The following TSGA10 variants were observed in gnomAD, a reference collection of about 807,000 sequenced individuals.
The protein encoded by TSGA10 is testis-specific gene 10 protein.
In TSGA10, 43 loss-of-function variants were observed where a neutral mutation model predicts 96.6. That is an observed-to-expected ratio of 0.44 (90% CI 0.35 to 0.57). The LOEUF (loss-of-function observed/expected upper bound fraction) is 0.57, where lower values mean the gene tolerates loss of function less well. TSGA10 is among the 20% of genes least tolerant of loss of function. TSGA10 has a pLI of 0.01. For synonymous variants in TSGA10, 229 were observed against 269.9 expected (o/e 0.85, Z 1.48); for missense variants, 703 against 834.4 (o/e 0.84, Z 1.94).
At chr2:99,070,358 A>G (rs1167571739) in intron 14 of TSGA10, among the ~76,000 whole-genome samples, 1 of 152,126 alleles carries the variant, frequency 6.6e-6, no homozygotes, top group African/African-American at 2.4e-5. Context: ...GATTCAACCC[A>G]TGTGAATCTT....
At chr2:99,009,057 A>T (rs1019477982) in intron 20 of TSGA10, among the ~76,000 whole-genome samples, 1 of 152,172 alleles carries the variant, frequency 6.6e-6, no homozygotes, top group African/African-American at 2.4e-5. Context: ...TTCTCTTAGT[A>T]TTATTTTTTG....
At chr2:99,038,840 C>G (rs2081916733) in intron 16 of TSGA10, among the ~76,000 whole-genome samples, 5 of 152,120 alleles carry the variant, frequency 3.3e-5, no homozygotes, top group Non-Finnish European at 7.4e-5. Context: ...GACATACATT[C>G]TATTCATCAG....
intron 1 of TSGA10, among the ~76,000 whole-genome samples, chr2:99,145,977 T>A (rs537728195): frequency 2.5e-4 from 38 of 151,938 alleles, no homozygotes; most frequent in African/African-American, 8.4e-4. Flanking sequence ...ACAAAAAAAA[T>A]GAATTTTAAA....
intron 1 of TSGA10, among the ~76,000 whole-genome samples, chr2:99,143,193 G>T (rs893212012): frequency 1.4e-5 from 2 of 139,026 alleles, no homozygotes; most frequent in Admixed American, 1.5e-4. Flanking sequence ...CCAGGCTGGA[G>T]TGCAGTGGCA....
At chr2:99,033,598 T>G (rs985268544) in intron 17 of TSGA10, among the ~76,000 whole-genome samples, 3 of 152,274 alleles carry the variant, frequency 2.0e-5, no homozygotes, top group East Asian at 1.9e-4. Context: ...ATCCCAGCAC[T>G]GGGAGGCTGA....
At position 99,118,670 on chromosome 2, in the gene TSGA10, C is replaced by T; in HGVS notation, c.-475G>A. 1 of 984,234 alleles carries T rather than the reference C, an allele frequency of 1.0e-6. No homozygotes were observed. The highest frequency in any genetic ancestry group is 1.2e-6 in the Non-Finnish European group (1 of 829,610). The allele number at this position is 984,234 out of a possible 1,614,324, so 61.0% of individuals were successfully genotyped here. On this transcript the variant is annotated 5_prime_UTR_variant, in exon 3 of 21. The change creates a new upstream start codon in the 5' untranslated region. Transcript: ENST00000393483. ...ATGAAGAAAAGGGCCTTTTCTATCA[C>T]AAAGGTATCCAAATGCCTTTAAAGG...
chr2:99,086,141 C>G (rs2088339975), intron 10 of TSGA10, among the ~76,000 whole-genome samples: 1 of 151,864 alleles, frequency 6.6e-6, no homozygotes, highest in Non-Finnish European at 1.5e-5. Context: ...ACCTACATAA[C>G]AAACCTATAC....
chr2:99,091,605 A>C (rs978452618), intron 10 of TSGA10, among the ~76,000 whole-genome samples: 1 of 152,188 alleles, frequency 6.6e-6, no homozygotes, highest in African/African-American at 2.4e-5. Context: ...AAAGGGGTGG[A>C]AAAAGACATT....
Position 99,072,814 on chromosome 2 carries a change from T to A in TSGA10, c.938+204A>T, listed in dbSNP as rs532023680. Among the ~76,000 whole-genome samples, 6 of 152,332 alleles carry A rather than the reference T, an allele frequency of 3.9e-5. No individual in the cohort carries two copies. The South Asian group carries it at 1.0e-3, about 26-fold the overall frequency. On this transcript the variant is annotated intron_variant, in intron 13 of 20. Coordinates refer to ENST00000393483, the MANE Select transcript of TSGA10 (RefSeq NM_025244.4). ...TGTGGTTCTTTGCTATTCTTTCTAC[T>A]TTAAATGCCCTTCCCTTCCCCTTAT...
At chr2:99,050,063 C>T (rs2104342219) in intron 16 of TSGA10, among the ~76,000 whole-genome samples, 1 of 152,124 alleles carries the variant, frequency 6.6e-6, no homozygotes, top group East Asian at 1.9e-4. Flanking sequence ...AATAAATGCA[C>T]AAAGAACGTG....
intron 12 of TSGA10, among the ~76,000 whole-genome samples, chr2:99,077,600 C>T (rs2086872842): frequency 6.6e-6 from 1 of 152,060 alleles, no homozygotes; most frequent in South Asian, 2.1e-4. Context: ...CTCGCACTGT[C>T]GCCCAGGCTG....
chr2:99,136,278 G>A (rs1050840822), intron 1 of TSGA10, among the ~76,000 whole-genome samples: 1 of 152,146 alleles, frequency 6.6e-6, no homozygotes, highest in Non-Finnish European at 1.5e-5. Context: ...GCAGTCACAT[G>A]TATTCACTTT....
chr2:99,075,605 G>A (rs1451060619), intron 12 of TSGA10, among the ~76,000 whole-genome samples: 2 of 152,092 alleles, frequency 1.3e-5, no homozygotes, highest in Admixed American at 1.3e-4. Context: ...CAGCTCTGAG[G>A]TATCATTATA....
intron 4 of TSGA10, chr2:99,117,168 C>A (rs1430310573): frequency 1.3e-5 from 2 of 152,050 alleles, no homozygotes; most frequent in Non-Finnish European, 2.9e-5. Flanking sequence ...TGGTAAAAAT[C>A]TTTTTTAATG....
chr2:99,041,679 A>C (rs2082194713), intron 16 of TSGA10, among the ~76,000 whole-genome samples: 1 of 152,214 alleles, frequency 6.6e-6, no homozygotes, highest in Admixed American at 6.5e-5. Flanking sequence ...ACAAAAATCA[A>C]CTCAAAATGA....
intron 16 of TSGA10, among the ~76,000 whole-genome samples, chr2:99,039,476 A>G (rs758692351): frequency 6.6e-6 from 1 of 152,116 alleles, no homozygotes; most frequent in Non-Finnish European, 1.5e-5. Flanking sequence ...CCACGGAAAT[A>G]CAAAAGATCA....
In TSGA10 at chr2:99,136,573, G is replaced by A. The variant is rs528669327; in HGVS notation, c.-620-9397C>T. Among the ~76,000 whole-genome samples the A allele has an allele frequency of 1.1e-3, 97 of 89,950 alleles. 27 individuals are homozygous for A. Among genetic ancestry groups the A allele is most frequent in the African/African-American group, 3.0e-3 (94 of 31,262 alleles). The allele number at this position is 89,950 out of a possible 152,430, so 59.0% of individuals were successfully genotyped here. On this transcript the variant is annotated intron_variant, in intron 1 of 20. Coordinates refer to ENST00000393483, the MANE Select transcript of TSGA10 (RefSeq NM_025244.4). Reference sequence around the variant, plus strand: ...AGCACTTTGGGAGGCCGAGGCGGGCGGATCACGAGGTCAGGAGATCGAGAC... The same window carrying A: ...AGCACTTTGGGAGGCCGAGGCGGGCAGATCACGAGGTCAGGAGATCGAGAC...
At chr2:99,126,903 T>G in intron 2 of TSGA10, 145 bp downstream of exon 2, 1 of 687,338 alleles carries the variant, frequency 1.5e-6, no homozygotes, top group Non-Finnish European at 2.0e-6. Context: ...TTTATCAAAA[T>G]GGTTAAGATA....
intron 1 of TSGA10, among the ~76,000 whole-genome samples, chr2:99,132,136 T>C (rs2093119829): frequency 6.6e-6 from 1 of 152,184 alleles, no homozygotes; most frequent in Non-Finnish European, 1.5e-5. Flanking sequence ...GCTGGACTCA[T>C]AAAATGAGTT....
Sources: gnomAD v4.1 joint callset for allele counts (sites outside exome capture counted in the v4.1 genomes callset) on GRCh38, gnomAD v4.1.1 for gene constraint, MANE v1.5 for transcripts, NCBI Gene and HGNC (gene_info 2026-07-23, HGNC 2026-07-21) for gene names.